UBR4: variants seen among roughly 807,000 people sequenced by gnomAD.
UBR4 encodes ubiquitin protein ligase E3 component n-recognin 4.
Under a neutral mutation model 575.6 loss-of-function variants are expected in UBR4, and 124 were observed. The observed-to-expected ratio is 0.22, with a 90% CI of 0.19 to 0.25. The LOEUF (loss-of-function observed/expected upper bound fraction) is 0.25. UBR4 is among the 10% of genes least tolerant of loss of function. The probability of loss-of-function intolerance (pLI) is 1.00; values close to 1 mark genes in which losing one functional copy is unlikely to be tolerated. For missense variants in UBR4, 4,818 were observed against 6,478.8 expected, an observed-to-expected ratio of 0.74 and a Z score of 8.80; for synonymous variants, 2,455 against 2,473.7, an observed-to-expected ratio of 0.99 and a Z score of 0.22.
intron 60 of UBR4, 133 bp from the exon 61 acceptor site, chr1:19,129,207 ATT>A: frequency 1.5e-6 from 1 of 679,220 alleles, no homozygotes; most frequent in African/African-American, 1.8e-5. Flanking sequence ...AATCTCCAGC[ATT>A]AAAAAAAAAA....
intron 50 of UBR4, 78 bp downstream of exon 50, chr1:19,148,485 G>A: frequency 3.3e-6 from 5 of 1,531,814 alleles, no homozygotes; most frequent in East Asian, 2.2e-5. Flanking sequence ...TTAGCTTCGA[G>A]GCCTCAGGGC....
chr1:19,074,803 T>C lies in UBR4; in HGVS notation c.*29A>G. On this transcript the variant is annotated 3_prime_UTR_variant, in exon 106 of 106. Coordinates refer to ENST00000375254, the MANE Select transcript of UBR4 (RefSeq NM_020765.3). ...GAGGGTGGAAGGCAAGCCAGCTTCG[T>C]CTTCGCCGCCGCAGCTGCTGTGTGG... is the stretch of plus-strand genomic sequence containing the variant. 1 of 1,612,928 alleles carries C rather than the reference T, an allele frequency of 6.2e-7. No homozygotes were observed. The highest frequency in any genetic ancestry group is 8.5e-7 in the Non-Finnish European group (1 of 1,179,482).
At chr1:19,140,187 T>C (rs2083701046) in intron 58 of UBR4, among the ~76,000 whole-genome samples, 1 of 150,748 alleles carries the variant, frequency 6.6e-6, no homozygotes, top group African/African-American at 2.5e-5. Context: ...GGTATCTCCA[T>C]TTGGTCCAAC....
Position 19,165,252 on chromosome 1 carries a change from G to A in UBR4, c.4309C>T (p.Leu1437=). ...VLKFFTKLFQ[L]TEKSPNPSLL... is the part of the protein sequence containing the mutation. ...ATTACTAAAAGCTGTCACTCACTCAGCTGGAAGAGTTTGGTGAAGAATTTC... is the reference window on the plus strand; with the variant it reads ...ATTACTAAAAGCTGTCACTCACTCAACTGGAAGAGTTTGGTGAAGAATTTC... The change falls in exon 31 of 106, where the codon CTG becomes TTG. Residue 1437 remains leucine, a synonymous_variant. Transcript: ENST00000375254. 1 of 1,613,484 alleles carries A rather than the reference G, an allele frequency of 6.2e-7. No individual in the cohort carries two copies. The highest frequency in any genetic ancestry group is 8.5e-7 in the Non-Finnish European group (1 of 1,179,412).
intron 1 of UBR4, among the ~76,000 whole-genome samples, chr1:19,208,466 C>CAAAAAAAAAAAAAAA (rs71030137): frequency 1.3e-5 from 1 of 76,904 alleles, no homozygotes; most frequent in Non-Finnish European, 2.6e-5. Context: ...GAATCCATCT[C>CAAAAAAAAAAAAAAA]AAAAAAAAAA....
rs571203265 is a variant in UBR4, at chr1:19,088,568, CT to C, written c.14430+190del. On this transcript the variant is annotated intron_variant, in intron 98 of 105. Transcript: ENST00000375254. The surrounding 1 kb of genome is among the most constrained non-coding windows in gnomAD (Gnocchi z 4.0). ...CTGTTTTGGTAAACTTCGTAAGTCA[CT>C]TACTCCGAGTCTCATCTGTATGATA... is the stretch of plus-strand genomic sequence containing the variant. Among the ~76,000 whole-genome samples, 100 of 152,332 alleles carry C rather than the reference CT, an allele frequency of 6.6e-4. No homozygotes were observed. The highest frequency in any genetic ancestry group is 2.3e-3 in the African/African-American group (94 of 41,568).
chr1:19,078,953 C>G (rs1176065824), intron 103 of UBR4: 2 of 152,178 alleles, frequency 1.3e-5, no homozygotes. Context: ...GTTTCTACCA[C>G]CCAAGCTCTA....
rs2085833382 is a variant in UBR4, at chr1:19,152,235, A to G, written c.6996+78T>C. 5.7e-6 allele frequency: 9 copies of G among 1,566,104 alleles called. No individual in the cohort carries two copies. The East Asian group carries it at 6.8e-5, about 12-fold the overall frequency. ...AGTATATACTCTATACTTGCTTTCT[A>G]AAAGGAGATGTGTTCTCAAACCATA... On this transcript the variant is annotated intron_variant, in intron 47 of 105. Transcript: ENST00000375254. This position sits in a 1 kb window ranked among gnomAD's most constrained non-coding sequence, Gnocchi z 4.4.
At position 19,162,515 on chromosome 1, in the gene UBR4, G is replaced by C; in HGVS notation, c.4861C>G (p.Leu1621Val). The C allele has an allele frequency of 6.2e-7, 1 of 1,614,200 alleles. No homozygotes were observed. Among genetic ancestry groups the C allele is most frequent in the Non-Finnish European group, 8.5e-7 (1 of 1,180,036 alleles). ...SQSNGQGPSH[L>V]SVDGEERAIE... Reference sequence around the variant, plus strand: ...GCCCGCTCTTCCCCATCCACTGAGAGATGACTTGGGCCTTGACCATTACTC... The same window carrying C: ...GCCCGCTCTTCCCCATCCACTGAGACATGACTTGGGCCTTGACCATTACTC... The change falls in exon 35 of 106, where the codon CTC becomes GTC. Residue 1621 changes from leucine to valine, a missense_variant. By Grantham distance (32) the Leu-to-Val change is conservative. Coordinates refer to ENST00000375254, the MANE Select transcript of UBR4 (RefSeq NM_020765.3).
chr1:19,201,653 G>T, intron 2 of UBR4, 65 bp downstream of exon 2: 2 of 1,402,268 alleles, frequency 1.4e-6, no homozygotes, highest in South Asian at 1.2e-5. Context: ...ATACACTAAC[G>T]AGAGGATAAA....
rs2079747163 is a variant in UBR4 at position 19,110,625 on chromosome 1, G to A, written c.11892+117C>T. The A allele has an allele frequency of 8.7e-6, 12 of 1,382,114 alleles. No individual in the cohort carries two copies. In the South Asian group the frequency reaches 1.3e-4, roughly 15 times the overall value. The allele number at this position is 1,382,114 out of a possible 1,614,324, so 85.6% of individuals were successfully genotyped here. ...TCTTCCCTGGGAAAACCATTCTGGGGTAATGTTCTGCTCCTTCCCTCCTCA... is the reference window on the plus strand; with the variant it reads ...TCTTCCCTGGGAAAACCATTCTGGGATAATGTTCTGCTCCTTCCCTCCTCA... On this transcript the variant is annotated intron_variant, in intron 79 of 105. Coordinates refer to ENST00000375254, the MANE Select transcript of UBR4 (RefSeq NM_020765.3). The surrounding 1 kb of genome is among the most constrained non-coding windows in gnomAD (Gnocchi z 4.5).
At chr1:19,183,942 G>A (rs372272180) in intron 16 of UBR4, 46 bp from the exon 17 acceptor site, 1 of 1,613,586 alleles carries the variant, frequency 6.2e-7, no homozygotes, top group Non-Finnish European at 8.5e-7. Flanking sequence ...GCTATTGAAT[G>A]CACCACACCT....
intron 11 of UBR4, 151 bp downstream of exon 11, chr1:19,192,037 T>C (rs1376778659): frequency 3.5e-5 from 25 of 723,204 alleles, no homozygotes; most frequent in Non-Finnish European, 4.9e-5. Flanking sequence ...GCTGTGGAGA[T>C]AACAGGTCAT....
Position 19,170,311 on chromosome 1 carries a change from A to C in UBR4, c.3643+451T>G, listed in dbSNP as rs60319201. The stretch of plus-strand genomic sequence containing the variant: ...CTACTTGGGAGGCTGCGGCAGGGGG[A>C]CTGCTTCAACACAGGAGATGAAGGC... On this transcript the variant is annotated intron_variant, in intron 26 of 105. Transcript: ENST00000375254. 1.2e-3 allele frequency among the ~76,000 whole-genome samples: 182 copies of C among 152,280 alleles called. 1 individual carries two copies. The East Asian group carries it at 0.013, about 10-fold the overall frequency.
rs770496611 is a variant in UBR4 at position 19,177,701 on chromosome 1, C to A, written c.2397G>T (p.Val799=). The A allele has an allele frequency of 1.2e-6, 2 of 1,613,940 alleles. No individual in the cohort carries two copies. The highest frequency in any genetic ancestry group is 1.7e-6 in the Non-Finnish European group (2 of 1,179,994). Residue 799 remains valine (V), a synonymous_variant, in exon 19 of 106, where the codon GTG becomes GTT. Coordinates refer to ENST00000375254, the MANE Select transcript of UBR4 (RefSeq NM_020765.3). Reference sequence around the variant, plus strand: ...CATTCAGATCCTCTGTCTCACTGGGCACCACACCTTGCAGGGCATTCTGCT... The same window carrying A: ...CATTCAGATCCTCTGTCTCACTGGGAACCACACCTTGCAGGGCATTCTGCT... ...TMKQNALQGV[V]PSETEDLNVE...
At position 19,110,640 on chromosome 1, in the gene UBR4, T is replaced by C. The variant is rs1179873955; in HGVS notation, c.11892+102A>G. The C allele has an allele frequency of 7.0e-6, 10 of 1,427,044 alleles. No individual in the cohort carries two copies. The highest frequency in any genetic ancestry group is 1.4e-5 in the African/African-American group (1 of 71,000). 88.4% of individuals were successfully genotyped at this position (1,427,044 alleles called of 1,614,324 possible). Reference sequence around the variant, plus strand: ...CCATTCTGGGGTAATGTTCTGCTCCTTCCCTCCTCAGTCACCGCAGGACCT... The same window carrying C: ...CCATTCTGGGGTAATGTTCTGCTCCCTCCCTCCTCAGTCACCGCAGGACCT... On this transcript the variant is annotated intron_variant, in intron 79 of 105. Coordinates refer to ENST00000375254, the MANE Select transcript of UBR4 (RefSeq NM_020765.3). This position sits in a 1 kb window ranked among gnomAD's most constrained non-coding sequence, Gnocchi z 4.5.
At chr1:19,197,014 C>T (rs1032168423) in intron 8 of UBR4, 127 bp downstream of exon 8, 165 of 1,163,452 alleles carry the variant, frequency 1.4e-4, no homozygotes, top group South Asian at 1.3e-3. Context: ...CTTGATGCGA[C>T]GTTAGATGAT....
intron 8 of UBR4, among the ~76,000 whole-genome samples, chr1:19,196,601 A>G (rs1013334316): frequency 6.6e-6 from 1 of 152,208 alleles, no homozygotes; most frequent in African/African-American, 2.4e-5. Context: ...AACAGGAAAA[A>G]AGGGGATTTT....
Position 19,199,079 on chromosome 1 carries a change from G to T in UBR4, c.379-151C>A, listed in dbSNP as rs569934705. 4.2e-5 allele frequency: 36 copies of T among 862,590 alleles called. No homozygotes were observed. The South Asian group carries it at 6.7e-4, about 16-fold the overall frequency. 53.4% of individuals were successfully genotyped at this position (862,590 alleles called of 1,614,324 possible). ...GACTGCAAGCTGATGTCCTTAGACCGTATGTAGCTTATAGATTTGTCTTAT... is the reference window on the plus strand; with the variant it reads ...GACTGCAAGCTGATGTCCTTAGACCTTATGTAGCTTATAGATTTGTCTTAT... On this transcript the variant is annotated intron_variant, in intron 3 of 105. Transcript: ENST00000375254.
Sources: allele counts gnomAD v4.1 joint callset (sites outside exome capture counted in the v4.1 genomes callset), GRCh38; gene constraint gnomAD v4.1.1; non-coding constraint Gnocchi (gnomAD v3.1); transcripts MANE v1.5; gene names NCBI Gene and HGNC (gene_info 2026-07-23, HGNC 2026-07-21).